The following VPS13D variants were observed in gnomAD, a reference collection of about 807,000 sequenced individuals.
VPS13D encodes vacuolar protein sorting 13 homolog D.
Under a neutral mutation model 461.9 loss-of-function variants are expected in VPS13D, and 187 were observed. The ratio of observed to expected loss-of-function variants is 0.40; its 90% CI spans 0.36 to 0.46. VPS13D has a LOEUF of 0.46. Among genes scored for constraint, VPS13D ranks in the 20% least tolerant of loss-of-function variants. The pLI is 0.60. For missense variants in VPS13D, 4,711 were observed against 5,364.9 expected (o/e 0.88, Z 3.81); for synonymous variants, 1,951 against 1,986.3 (o/e 0.98, Z 0.47).
chr1:12,282,962 C>A lies in VPS13D; in HGVS notation c.4860C>A (p.Ala1620=). 1 of 1,614,166 alleles carries A rather than the reference C, an allele frequency of 6.2e-7. No homozygotes were observed. The highest frequency in any genetic ancestry group is 8.5e-7 in the Non-Finnish European group (1 of 1,180,024). ...TCAAATCCTTTACTCAGATTCAAGCCACCTTTTGTATATCAGAGCTTCAGG... is the reference window on the plus strand; with the variant it reads ...TCAAATCCTTTACTCAGATTCAAGCAACCTTTTGTATATCAGAGCTTCAGG... ...KEVKSFTQIQ[A]TFCISELQVQ... is the part of the protein sequence containing the mutation. The change falls in exon 21 of 70, where the codon GCC becomes GCA. Residue 1620 remains alanine, a synonymous_variant. Coordinates refer to ENST00000620676, the MANE Select transcript of VPS13D (RefSeq NM_015378.4).
intron 24 of VPS13D, among the ~76,000 whole-genome samples, chr1:12,295,638 T>G (rs1266701637): frequency 6.6e-6 from 1 of 152,204 alleles, no homozygotes; most frequent in Non-Finnish European, 1.5e-5. Context: ...TATATAACCT[T>G]TTTTTCTTTC....
intron 32 of VPS13D, 54 bp downstream of exon 32, chr1:12,319,684 A>G (rs1569895371): frequency 6.2e-7 from 1 of 1,610,568 alleles, no homozygotes; most frequent in Non-Finnish European, 8.5e-7. Context: ...CGAGCAAAGC[A>G]TCTGGAAGAG....
Position 12,369,624 on chromosome 1 carries a change from A to G in VPS13D, c.10730A>G (p.Asn3577Ser). ...KGAGSSEINC[N>S]MNDFQDNRQL... Reference sequence around the variant, plus strand: ...GCAGGGTCCTCTGAGATCAACTGCAACATGAATGATTTCCAGGATAATCGG... The same window carrying G: ...GCAGGGTCCTCTGAGATCAACTGCAGCATGAATGATTTCCAGGATAATCGG... The change falls in exon 54 of 70, where the codon AAC becomes AGC. Residue 3577 changes from asparagine (N) to serine (S), a missense_variant. By Grantham distance (46) the Asn-to-Ser change is conservative (BLOSUM62 1). Around this residue, in one of 3 missense-constraint regions of VPS13D, gnomAD observed 4,411 missense variants for 4,937.8 expected, o/e 0.89. Coordinates refer to ENST00000620676, the MANE Select transcript of VPS13D (RefSeq NM_015378.4). 1 of 1,614,218 alleles carries G rather than the reference A, an allele frequency of 6.2e-7. No homozygotes were observed. Among genetic ancestry groups the G allele is most frequent in the Middle Eastern group, 1.6e-4 (1 of 6,062 alleles).
In VPS13D at chr1:12,473,512, CCT is replaced by C. The variant is rs1389116472; in HGVS notation, c.12662+13119_12662+13120del. Among the ~76,000 whole-genome samples the C allele has an allele frequency of 9.2e-5, 14 of 152,076 alleles. No individual in the cohort carries two copies. Among genetic ancestry groups the C allele is most frequent in the Admixed American group, 9.2e-4 (14 of 15,266 alleles). On this transcript the variant is annotated intron_variant, in intron 67 of 69. Transcript: ENST00000620676. This position sits in a 1 kb window ranked among gnomAD's most constrained non-coding sequence, Gnocchi z 4.2. ...GCTGTGACCTGGAACAAGTTTTTCC[CCT>C]CTTAATCTCTCTGAGATGAGATTCC...
At chr1:12,469,231 G>A (rs1269893585) in intron 67 of VPS13D, among the ~76,000 whole-genome samples, 2 of 152,004 alleles carry the variant, frequency 1.3e-5, no homozygotes, top group African/African-American at 4.8e-5. Flanking sequence ...GACCCCCTGC[G>A]GAACCCCAGA....
intron 67 of VPS13D, among the ~76,000 whole-genome samples, chr1:12,490,119 A>G (rs1043962355): frequency 3.3e-5 from 5 of 152,204 alleles, no homozygotes. Flanking sequence ...GCCTCTGCAT[A>G]TGATAGTTTG....
At chr1:12,415,040 G>A (rs761791024) in intron 63 of VPS13D, 47 bp from the exon 64 acceptor site, 40 of 1,602,238 alleles carry the variant, frequency 2.5e-5, no homozygotes, top group Non-Finnish European at 3.4e-6. Flanking sequence ...TATCACAGAA[G>A]GCCATCATAT....
intron 65 of VPS13D, among the ~76,000 whole-genome samples, chr1:12,447,680 G>T (rs994757383): frequency 4.6e-5 from 7 of 152,188 alleles, no homozygotes; most frequent in African/African-American, 1.7e-4. Context: ...CTGGTGCCCA[G>T]CATCTATGAT....
At chr1:12,445,341 G>A (rs1645179268) in intron 65 of VPS13D, among the ~76,000 whole-genome samples, 1 of 152,168 alleles carries the variant, frequency 6.6e-6, no homozygotes, top group Non-Finnish European at 1.5e-5. Context: ...ATCAACAAAA[G>A]GCATCAGGAT....
chr1:12,319,927 C>T (rs993990697), intron 32 of VPS13D, among the ~76,000 whole-genome samples: 1 of 152,220 alleles, frequency 6.6e-6, no homozygotes, highest in Non-Finnish European at 1.5e-5. Flanking sequence ...CTGTCAGGCA[C>T]CTTGTTGTGC....
chr1:12,467,243 C>T (rs1645496819), intron 67 of VPS13D, among the ~76,000 whole-genome samples: 1 of 152,226 alleles, frequency 6.6e-6, no homozygotes, highest in Non-Finnish European at 1.5e-5. Flanking sequence ...ACAACCTCGG[C>T]TCACTGCATC....
rs745931838 is a variant in VPS13D at position 12,368,492 on chromosome 1, C to T, written c.10473C>T (p.Phe3491=). Residue 3491 remains phenylalanine (F), a synonymous_variant, in exon 53 of 70, where the codon TTC becomes TTT. Coordinates refer to ENST00000620676, the MANE Select transcript of VPS13D (RefSeq NM_015378.4). ...GGGATACCTTGGGAAAATGCTTCTT[C>T]CTACGAGTGGAAATTACTCTCCGAG... ...NMRDTLGKCF[F]LRVEITLRGA... 10 of 1,612,722 alleles carry T rather than the reference C, an allele frequency of 6.2e-6. No homozygotes were observed. In the East Asian group the frequency reaches 2.2e-4, roughly 36 times the overall value.
At chr1:12,353,002 C>T (rs1420557741) in intron 46 of VPS13D, among the ~76,000 whole-genome samples, 1 of 116,346 alleles carries the variant, frequency 8.6e-6, no homozygotes, top group Non-Finnish European at 1.8e-5. Flanking sequence ...AAAAAGGACC[C>T]AGCAAGGCCA....
At chr1:12,492,519 T>G (rs1416854708) in intron 67 of VPS13D, among the ~76,000 whole-genome samples, 2 of 152,214 alleles carry the variant, frequency 1.3e-5, no homozygotes, top group African/African-American at 4.8e-5. Flanking sequence ...AAGTGTTGGA[T>G]ATAGATCGCT....
chr1:12,258,207 C>A, intron 10 of VPS13D, 104 bp downstream of exon 10: 1 of 1,377,338 alleles, frequency 7.3e-7, no homozygotes, highest in Non-Finnish European at 9.9e-7. Context: ...AGTCCCATGC[C>A]AAAGGGGCTA....
chr1:12,410,448 C>T (rs1644711068), intron 63 of VPS13D, among the ~76,000 whole-genome samples: 1 of 152,178 alleles, frequency 6.6e-6, no homozygotes, highest in Non-Finnish European at 1.5e-5. Flanking sequence ...CTACCAGAAG[C>T]TAAAAACTCA....
At chr1:12,456,636 CAAAAAAAAAAAAAAAAAAAA>C (rs367987300) in intron 66 of VPS13D, among the ~76,000 whole-genome samples, 1 of 83,674 alleles carries the variant, frequency 1.2e-5, no homozygotes, top group African/African-American at 4.6e-5. Flanking sequence ...GACTCCAATT[CAAAAAAAAAAAAAAAAAAAA>C]AAAAGAAAAG....
intron 65 of VPS13D, among the ~76,000 whole-genome samples, chr1:12,436,015 T>TAAC (rs556767220): frequency 1.3e-4 from 20 of 152,200 alleles, no homozygotes; most frequent in Non-Finnish European, 2.2e-4. Context: ...AACCTCATGT[T>TAAC]AACAGGTCTA....
rs75569046 is a variant in VPS13D at position 12,341,791 on chromosome 1, A to G, written c.8638A>G (p.Thr2880Ala). 6 of 1,612,680 alleles carry G rather than the reference A, an allele frequency of 3.7e-6. No individual in the cohort carries two copies. Among genetic ancestry groups the G allele is most frequent in the African/African-American group, 1.3e-5 (1 of 74,510 alleles). The change falls in exon 41 of 70, where the codon ACC becomes GCC. Residue 2880 changes from threonine to alanine, a missense_variant. Coordinates refer to ENST00000620676, the MANE Select transcript of VPS13D (RefSeq NM_015378.4). ...HQIYARAEVK[T>A]PKRRQPFVPF... ...TCTGTTTGTCGTAGCAGAGGTGAAA[A>G]CCCCCAAGCGCCGGCAGCCATTTGT...
Sources: gnomAD v4.1 joint callset for allele counts (sites outside exome capture counted in the v4.1 genomes callset) on GRCh38, gnomAD v4.1.1 for gene constraint, gnomAD v4.1.1 regional missense constraint, Gnocchi (gnomAD v3.1) non-coding constraint, MANE v1.5 for transcripts, NCBI Gene and HGNC (gene_info 2026-07-23, HGNC 2026-07-21) for gene names.